POLR3H: variants seen among roughly 807,000 people sequenced by gnomAD.
POLR3H encodes the protein RNA polymerase III subunit H, also known as DNA-directed RNA polymerase III subunit RPC8.
A neutral mutation model predicts 25.5 loss-of-function variants in POLR3H; 17 were observed. The observed-to-expected ratio is 0.67, with a 90% CI of 0.46 to 1.00. The LOEUF is 1.00. POLR3H is among the 50% of genes least tolerant of loss of function. POLR3H has a pLI of 0.00. For synonymous variants in POLR3H, 129 were observed against 103.0 expected (o/e 1.25, Z -1.53); for missense variants, 274 against 265.0 (o/e 1.03, Z -0.24).
rs2146154282 is a variant in POLR3H at position 41,528,001 on chromosome 22, G to A, written c.*1282C>T. 2.5e-6 allele frequency: 4 copies of A among 1,614,154 alleles called. No homozygotes were observed. The highest frequency in any genetic ancestry group is 2.7e-5 in the African/African-American group (2 of 75,036). ...TGGACAAGCTGACCATTCAGGGCCTGAAGGACTTCACCCCTGGCAAGGTTA... is the reference window on the plus strand; with the variant it reads ...TGGACAAGCTGACCATTCAGGGCCTAAAGGACTTCACCCCTGGCAAGGTTA... On this transcript the variant is annotated 3_prime_UTR_variant, in exon 6 of 6. Transcript: ENST00000355209.
Position 41,544,309 on chromosome 22 carries a change from C to T in POLR3H, c.-208G>A. ...GAAACTGAGGCCAGAGGGAGGCACT[C>T]TCCGTCCACAGCTCCGGGTGCGCGC... On this transcript the variant is annotated 5_prime_UTR_variant, in exon 1 of 6. Coordinates refer to ENST00000355209, the MANE Select transcript of POLR3H (RefSeq NM_001018050.4). 2.0e-6 allele frequency: 1 copy of T among 495,864 alleles called. No individual in the cohort carries two copies. The highest frequency in any genetic ancestry group is 3.6e-6 in the Non-Finnish European group (1 of 278,658). 30.7% of individuals were successfully genotyped at this position (495,864 alleles called of 1,614,324 possible).
At chr22:41,531,965 G>T in intron 4 of POLR3H, 129 bp downstream of exon 4, 2 of 762,780 alleles carry the variant, frequency 2.6e-6, no homozygotes, top group Non-Finnish European at 4.5e-6. Flanking sequence ...CAAAAGCACA[G>T]GCGAGGGGCA....
At chr22:41,532,581 TG>T in intron 3 of POLR3H, 77 bp downstream of exon 3, 1 of 1,610,684 alleles carries the variant, frequency 6.2e-7, no homozygotes, top group South Asian at 1.1e-5. Flanking sequence ...AGCCCTCCCC[TG>T]ACCATGTGGG....
rs1281422150 is a variant in POLR3H, at chr22:41,529,145, T to C, written c.*138A>G. On this transcript the variant is annotated 3_prime_UTR_variant, in exon 6 of 6. Coordinates refer to ENST00000355209, the MANE Select transcript of POLR3H (RefSeq NM_001018050.4). ...TAGATGGTGGAGGAGCGGGGCAAGC[T>C]GGTGGGCACTCCTGGCCTTGCCTCA... 1.7e-4 allele frequency: 115 copies of C among 689,954 alleles called. No individual in the cohort carries two copies. The highest frequency in any genetic ancestry group is 3.2e-5 in the Non-Finnish European group (13 of 407,964). The allele number at this position is 689,954 out of a possible 1,614,324, so 42.7% of individuals were successfully genotyped here. A position where few individuals can be genotyped will look rare whatever the true frequency, so the allele number is the denominator to read the frequency against.
Position 41,529,188 on chromosome 22 carries a change from C to CT in POLR3H, c.*94dup, listed in dbSNP as rs2066669061. The CT allele has an allele frequency of 2.7e-6, 3 of 1,131,624 alleles. No individual in the cohort carries two copies. Among genetic ancestry groups the CT allele is most frequent in the African/African-American group, 1.5e-5 (1 of 65,468 alleles). The allele number at this position is 1,131,624 out of a possible 1,614,324, so 70.1% of individuals were successfully genotyped here. A position where few individuals can be genotyped will look rare whatever the true frequency, so the allele number is the denominator to read the frequency against. On this transcript the variant is annotated 3_prime_UTR_variant, in exon 6 of 6. Coordinates refer to ENST00000355209, the MANE Select transcript of POLR3H (RefSeq NM_001018050.4). ...TTGCCTCACTGTCCAGCTCGAGACA[C>CT]TATCTCCTTAGCATCGGCCTCAGCT...
At chr22:41,543,475 G>A (rs1302010370) in intron 1 of POLR3H, among the ~76,000 whole-genome samples, 2 of 152,084 alleles carry the variant, frequency 1.3e-5, no homozygotes, top group African/African-American at 4.8e-5. Context: ...AAAATTAGCT[G>A]GGGGTGGTGG....
chr22:41,527,571 C>T lies in POLR3H; in HGVS notation c.*1712G>A. 1 of 1,108,948 alleles carries T rather than the reference C, an allele frequency of 9.0e-7. No homozygotes were observed. Among genetic ancestry groups the T allele is most frequent in the Non-Finnish European group, 1.3e-6 (1 of 791,018 alleles). 68.7% of individuals were successfully genotyped at this position (1,108,948 alleles called of 1,614,324 possible). A position where few individuals can be genotyped will look rare whatever the true frequency, so the allele number is the denominator to read the frequency against. On this transcript the variant is annotated 3_prime_UTR_variant, in exon 6 of 6. Coordinates refer to ENST00000355209, the MANE Select transcript of POLR3H (RefSeq NM_001018050.4). ...CCTCTTGCCCCTTCTTAGGCTCACA[C>T]AGTGCACATCCGACGCTCAGCTTCC...
In POLR3H at chr22:41,527,789, T is replaced by C. The variant is rs190350839; in HGVS notation, c.*1494A>G. The C allele has an allele frequency of 3.0e-5, 46 of 1,539,916 alleles. No individual in the cohort carries two copies. The Admixed American group carries it at 3.8e-4, about 13-fold the overall frequency. On this transcript the variant is annotated 3_prime_UTR_variant, in exon 6 of 6. Coordinates refer to ENST00000355209, the MANE Select transcript of POLR3H (RefSeq NM_001018050.4). ...GGGCCCCATAGTCACTGCCCGGGCA[T>C]TGTCCCAGGCAGCAGGATTAGGGGC...
intron 3 of POLR3H, 79 bp downstream of exon 3, chr22:41,532,580 C>T: frequency 6.2e-7 from 1 of 1,610,710 alleles, no homozygotes; most frequent in Non-Finnish European, 8.5e-7. Flanking sequence ...GAGCCCTCCC[C>T]TGACCATGTG....
Position 41,532,085 on chromosome 22 carries a change from G to A in POLR3H, c.359+9C>T, listed in dbSNP as rs564148002. ...CCTGTGACAAACCACTTTAACCCTTGGAGGATACAACTTGGCTGGCTGCTG... is the reference window on the plus strand; with the variant it reads ...CCTGTGACAAACCACTTTAACCCTTAGAGGATACAACTTGGCTGGCTGCTG... On this transcript the variant is annotated intron_variant, in intron 4 of 5. Coordinates refer to ENST00000355209, the MANE Select transcript of POLR3H (RefSeq NM_001018050.4). 1.9e-6 allele frequency: 3 copies of A among 1,613,496 alleles called. No homozygotes were observed. Among genetic ancestry groups the A allele is most frequent in the African/African-American group, 2.7e-5 (2 of 75,052 alleles).
chr22:41,529,188 C>G lies in POLR3H; in HGVS notation c.*95G>C. ...TTGCCTCACTGTCCAGCTCGAGACACTATCTCCTTAGCATCGGCCTCAGCT... is the reference window on the plus strand; with the variant it reads ...TTGCCTCACTGTCCAGCTCGAGACAGTATCTCCTTAGCATCGGCCTCAGCT... On this transcript the variant is annotated 3_prime_UTR_variant, in exon 6 of 6. Coordinates refer to ENST00000355209, the MANE Select transcript of POLR3H (RefSeq NM_001018050.4). 8.8e-7 allele frequency: 1 copy of G among 1,131,624 alleles called. No individual in the cohort carries two copies. Among genetic ancestry groups the G allele is most frequent in the Non-Finnish European group, 1.3e-6 (1 of 783,358 alleles). The allele number at this position is 1,131,624 out of a possible 1,614,324, so 70.1% of individuals were successfully genotyped here. A position where few individuals can be genotyped will look rare whatever the true frequency, so the allele number is the denominator to read the frequency against.
intron 3 of POLR3H, among the ~76,000 whole-genome samples, chr22:41,532,394 G>A (rs1332469057): frequency 3.9e-5 from 6 of 152,038 alleles, no homozygotes; most frequent in Admixed American, 3.9e-4. Flanking sequence ...CACAACAGGG[G>A]CCAGTGGGCG....
At chr22:41,537,965 AT>A (rs564442384) in intron 2 of POLR3H, among the ~76,000 whole-genome samples, 2,144 of 127,668 alleles carry the variant, frequency 0.017, 22 homozygotes, top group African/African-American at 0.032. Flanking sequence ...GACCTGGCTA[AT>A]TTTTTTTTTT....
At chr22:41,530,282 G>GT (rs1431167313) in intron 5 of POLR3H, among the ~76,000 whole-genome samples, 1 of 151,850 alleles carries the variant, frequency 6.6e-6, no homozygotes, top group African/African-American at 2.4e-5. Flanking sequence ...CCTGCTAATT[G>GT]TTTTTTATAG....
Position 41,540,790 on chromosome 22 carries a change from C to A in POLR3H, c.117G>T (p.Val39=). 1 of 1,613,218 alleles carries A rather than the reference C, an allele frequency of 6.2e-7. No homozygotes were observed. The highest frequency in any genetic ancestry group is 8.5e-7 in the Non-Finnish European group (1 of 1,179,198). ...ELNKKLANKV[V]YNVGLCICLF... is the part of the protein sequence containing the mutation. ...GACAAATGCAGAGTCCCACGTTGTA[C>A]ACGACCTGCATGCATACAAACACAG... The change falls in exon 2 of 6, where the codon GTG becomes GTT. Residue 39 remains valine, a synonymous_variant. Coordinates refer to ENST00000355209, the MANE Select transcript of POLR3H (RefSeq NM_001018050.4).
chr22:41,536,288 G>A (rs1430852959), intron 2 of POLR3H, among the ~76,000 whole-genome samples: 18 of 151,482 alleles, frequency 1.2e-4, no homozygotes, highest in Non-Finnish European at 2.4e-4. Flanking sequence ...CCAGCTACTC[G>A]GGAGGCTGAG....
At position 41,529,101 on chromosome 22, in the gene POLR3H, G is replaced by A. The variant is rs771436819; in HGVS notation, c.*182C>T. 3 of 603,930 alleles carry A rather than the reference G, an allele frequency of 5.0e-6. No individual in the cohort carries two copies. The highest frequency in any genetic ancestry group is 2.9e-5 in the Admixed American group (1 of 34,178). 37.4% of individuals were successfully genotyped at this position (603,930 alleles called of 1,614,324 possible). ...AGCCACAGATGGATCCATCACTGCA[G>A]TGAAGGAGGAGCAGGGCCTAGATGG... is the stretch of plus-strand genomic sequence containing the variant. On this transcript the variant is annotated 3_prime_UTR_variant, in exon 6 of 6. Transcript: ENST00000355209.
chr22:41,526,184 T>TGCCTGCC lies in POLR3H; in HGVS notation c.*3092_*3098dup. Reference sequence around the variant, plus strand: ...ACCCCTCCTGGGCCCCGGGGCCTGCTGCCTGCCTCTGGAGGGCTTGTCATC... The same window carrying TGCCTGCC: ...ACCCCTCCTGGGCCCCGGGGCCTGCTGCCTGCCGCCTGCCTCTGGAGGGCTTGTCATC... On this transcript the variant is annotated 3_prime_UTR_variant, in exon 6 of 6. Transcript: ENST00000355209. 7.8e-6 allele frequency: 7 copies of TGCCTGCC among 895,646 alleles called. No homozygotes were observed. The highest frequency in any genetic ancestry group is 6.1e-6 in the Non-Finnish European group (4 of 658,552). The allele number at this position is 895,646 out of a possible 1,614,324, so 55.5% of individuals were successfully genotyped here.
At position 41,527,894 on chromosome 22, in the gene POLR3H, T is replaced by C. The variant is rs1172783306; in HGVS notation, c.*1389A>G. The stretch of plus-strand genomic sequence containing the variant: ...CCCCCGATGACCGAATGCCGCCTGC[T>C]TTCCAGAGACCAACCTGAAGAAACA... On this transcript the variant is annotated 3_prime_UTR_variant, in exon 6 of 6. Coordinates refer to ENST00000355209, the MANE Select transcript of POLR3H (RefSeq NM_001018050.4). The C allele has an allele frequency of 6.2e-7, 1 of 1,614,182 alleles. No homozygotes were observed. The highest frequency in any genetic ancestry group is 8.5e-7 in the Non-Finnish European group (1 of 1,180,026).
Sources: allele counts gnomAD v4.1 joint callset (sites outside exome capture counted in the v4.1 genomes callset), GRCh38; gene constraint gnomAD v4.1.1; transcripts MANE v1.5; gene names NCBI Gene and HGNC (gene_info 2026-07-23, HGNC 2026-07-21).